The following ZNF821 variants were observed in gnomAD, a reference collection of about 807,000 sequenced individuals.
ZNF821 encodes zinc finger protein 821.
A neutral mutation model predicts 44.3 loss-of-function variants in ZNF821; 16 were observed. That is an observed-to-expected ratio of 0.36 (90% CI 0.24 to 0.55). The LOEUF is 0.55. Ranked by LOEUF, ZNF821 falls within the 20% of genes least tolerant of loss-of-function variation. The pLI, the probability that ZNF821 is intolerant of heterozygous loss-of-function variation, is 0.86. For synonymous variants in ZNF821, 204 were observed against 197.6 expected, an observed-to-expected ratio of 1.03 and a Z score of -0.27; for missense variants, 436 against 547.6, an observed-to-expected ratio of 0.80 and a Z score of 2.03.
chr16:71,874,827 T>TGAAATA lies in ZNF821; in HGVS notation c.40+5079_40+5080insTATTTC. Among the ~76,000 whole-genome samples, 3 of 152,190 alleles carry TGAAATA rather than the reference T, an allele frequency of 2.0e-5. No individual in the cohort carries two copies. In the East Asian group the frequency reaches 5.8e-4, roughly 29 times the overall value. On this transcript the variant is annotated intron_variant, in intron 3 of 7. Coordinates refer to ENST00000425432, the MANE Select transcript of ZNF821 (RefSeq NM_001201552.2). Reference sequence around the variant, plus strand: ...TAGTTGGTTCTATTTCACTGCAAGGTGATAGGAGACTCACATGGTCAGAAA... The same window carrying TGAAATA: ...TAGTTGGTTCTATTTCACTGCAAGGTGAAATAGATAGGAGACTCACATGGTCAGAAA...
upstream of ZNF821, among the ~76,000 whole-genome samples, chr16:71,884,403 G>C (rs931380907): frequency 3.3e-5 from 5 of 152,002 alleles, no homozygotes; most frequent in African/African-American, 1.2e-4. Context: ...CCATTCCCGG[G>C]TCTTTCTCTG....
At chr16:71,872,863 T>A (rs565377805) in intron 3 of ZNF821, among the ~76,000 whole-genome samples, 1 of 152,350 alleles carries the variant, frequency 6.6e-6, no homozygotes, top group East Asian at 1.9e-4. Flanking sequence ...AGCTTTTAGT[T>A]GAAGTTGAAA....
In ZNF821 at chr16:71,863,944, C is replaced by T. The variant is rs180772770; in HGVS notation, c.417+194G>A. 3.2e-3 allele frequency among the ~76,000 whole-genome samples: 490 copies of T among 152,292 alleles called. 2 individuals carry two copies. The highest frequency in any genetic ancestry group is 0.011 in the African/African-American group (474 of 41,548). On this transcript the variant is annotated intron_variant, in intron 6 of 7. Coordinates refer to ENST00000425432, the MANE Select transcript of ZNF821 (RefSeq NM_001201552.2). ...AACTCCTGACTTCAAGTGATCTACC[C>T]GCCTCGGCTTCCCACAGTGCTGGGA... is the stretch of plus-strand genomic sequence containing the variant.
intron 1 of ZNF821, among the ~76,000 whole-genome samples, chr16:71,891,877 T>C (rs892338635): frequency 6.6e-6 from 1 of 151,512 alleles, no homozygotes; most frequent in Admixed American, 6.6e-5. Flanking sequence ...TGCAGGCCTG[T>C]AGCAGCTACT....
In ZNF821 at chr16:71,861,876, G is replaced by C. The variant is rs2033935112; in HGVS notation, c.484C>G (p.Pro162Ala). 1.2e-6 allele frequency: 2 copies of C among 1,614,018 alleles called. No individual in the cohort carries two copies. The highest frequency in any genetic ancestry group is 1.7e-6 in the Non-Finnish European group (2 of 1,180,040). The change falls in exon 7 of 8, where the codon CCG becomes GCG. Residue 162 changes from proline (P) to alanine (A), a missense_variant. Physicochemically the swap from Pro to Ala is conservative, Grantham distance 27. This residue lies in a region of ZNF821 where 238 missense variants were observed against 281.4 expected (regional missense o/e 0.85). Transcript: ENST00000425432. Reference sequence around the variant, plus strand: ...AAGAGGTGGCGACCCAATGACCCCGGGGAGCTAAGGGCCCGGCCACAGACA... The same window carrying C: ...AAGAGGTGGCGACCCAATGACCCCGCGGAGCTAAGGGCCCGGCCACAGACA... ...CPVCGRALSS[P>A]GSLGRHLLIH...
chr16:71,874,107 C>T (rs1406571667), intron 3 of ZNF821, among the ~76,000 whole-genome samples: 2 of 151,682 alleles, frequency 1.3e-5, no homozygotes, highest in African/African-American at 4.8e-5. Flanking sequence ...TACAGGCACC[C>T]GCCACCATGC....
chr16:71,892,514 C>T (rs1355398288), intron 1 of ZNF821, among the ~76,000 whole-genome samples: 5 of 151,262 alleles, frequency 3.3e-5, no homozygotes, highest in African/African-American at 1.2e-4. Context: ...GTGATCCACC[C>T]GCCTCGGCCT....
At chr16:71,890,929 C>G (rs966971045) in intron 1 of ZNF821, among the ~76,000 whole-genome samples, 1 of 151,774 alleles carries the variant, frequency 6.6e-6, no homozygotes, top group Non-Finnish European at 1.5e-5. Context: ...CCGCACCACG[C>G]CCAGCTAATT....
intron 3 of ZNF821, among the ~76,000 whole-genome samples, chr16:71,876,086 T>C (rs1332054622): frequency 2.0e-5 from 3 of 152,246 alleles, no homozygotes; most frequent in African/African-American, 7.2e-5. Flanking sequence ...AGCAGGCTCT[T>C]GGACAGATGG....
chr16:71,894,592 C>T (rs2142506860), intron 1 of ZNF821: 2 of 431,884 alleles, frequency 4.6e-6, no homozygotes, highest in Non-Finnish European at 4.2e-6. Flanking sequence ...GTGACGTGAT[C>T]ACGGTTTACT....
intron 3 of ZNF821, among the ~76,000 whole-genome samples, chr16:71,878,695 C>A (rs561372037): frequency 8.6e-5 from 13 of 151,912 alleles, no homozygotes; most frequent in Non-Finnish European, 1.3e-4. Flanking sequence ...TTTGGGAGCC[C>A]GAGGTGGCCA....
chr16:71,884,332 A>C (rs966936070), upstream of ZNF821: 40 of 151,796 alleles, frequency 2.6e-4, no homozygotes, highest in African/African-American at 9.4e-4. Context: ...GGGAGCGCCC[A>C]ATCCCGGGCG....
intron 1 of ZNF821, among the ~76,000 whole-genome samples, chr16:71,892,553 C>T (rs1256749381): frequency 4.0e-5 from 6 of 151,044 alleles, no homozygotes; most frequent in Admixed American, 1.3e-4. Context: ...CAGGTGTGAA[C>T]CACCGTGCCC....
rs550176991 is a variant in ZNF821, at chr16:71,860,838, G to A, written c.585-166C>T. On this transcript the variant is annotated intron_variant, in intron 7 of 7. Coordinates refer to ENST00000425432, the MANE Select transcript of ZNF821 (RefSeq NM_001201552.2). The surrounding 1 kb of genome is among the most constrained non-coding windows in gnomAD (Gnocchi z 7.3). ...CTGCTGCTCCATCCCTTCTCTTCGC[G>A]TGAGAGTTGTCTACCAACTTTTTTT... is the stretch of plus-strand genomic sequence containing the variant. 4.0e-5 allele frequency among the ~76,000 whole-genome samples: 6 copies of A among 148,944 alleles called. No individual in the cohort carries two copies. Among genetic ancestry groups the A allele is most frequent in the Admixed American group, 6.9e-5 (1 of 14,586 alleles).
intron 1 of ZNF821, among the ~76,000 whole-genome samples, chr16:71,892,339 T>C (rs1420161458): frequency 6.6e-6 from 1 of 150,610 alleles, no homozygotes. Flanking sequence ...CGATCTCGGC[T>C]CACTGCAAGC....
chr16:71,873,469 ATGAAG>A (rs1485210942), intron 3 of ZNF821, among the ~76,000 whole-genome samples: 1 of 152,176 alleles, frequency 6.6e-6, no homozygotes, highest in African/African-American at 2.4e-5. Flanking sequence ...GAGTCTGTTA[ATGAAG>A]TGAAGTGGGC....
chr16:71,860,021 G>A lies in ZNF821; in HGVS notation c.1236C>T (p.His412=). 1 of 1,597,796 alleles carries A rather than the reference G, an allele frequency of 6.3e-7. No individual in the cohort carries two copies. Among genetic ancestry groups the A allele is most frequent in the Non-Finnish European group, 8.5e-7 (1 of 1,172,812 alleles). The stretch of plus-strand genomic sequence containing the variant: ...AGGGCAGGCAGGAGGGTGTGGTTCA[G>A]TGCAGAGAGCTGCTGTTCTGCTCTT... ...AFEEQNSSSL[H] is the part of the protein sequence containing the mutation. The change falls in exon 8 of 8, where the codon CAC becomes CAT. Residue 412 remains histidine (H), a synonymous_variant. Coordinates refer to ENST00000425432, the MANE Select transcript of ZNF821 (RefSeq NM_001201552.2). This position sits in a 1 kb window ranked among gnomAD's most constrained non-coding sequence, Gnocchi z 7.3.
At chr16:71,869,145 A>C (rs908183218) in intron 3 of ZNF821, among the ~76,000 whole-genome samples, 3 of 152,212 alleles carry the variant, frequency 2.0e-5, no homozygotes, top group African/African-American at 7.2e-5. Flanking sequence ...TGAGGTTTCT[A>C]TTATCTCAGT....
chr16:71,875,610 C>T (rs1337922219), intron 3 of ZNF821, among the ~76,000 whole-genome samples: 4 of 152,080 alleles, frequency 2.6e-5, no homozygotes, highest in South Asian at 2.1e-4. Context: ...CCCACCACCA[C>T]GCCCGGCTAA....
Sources: allele counts gnomAD v4.1 joint callset (sites outside exome capture counted in the v4.1 genomes callset), GRCh38; gene constraint gnomAD v4.1.1; regional missense constraint gnomAD v4.1.1; non-coding constraint Gnocchi (gnomAD v3.1); transcripts MANE v1.5; gene names NCBI Gene and HGNC (gene_info 2026-07-23, HGNC 2026-07-21).